The following AFF3 variants were observed in gnomAD, a reference collection of about 807,000 sequenced individuals.
The protein encoded by AFF3 is ALF transcription elongation factor 3.
A neutral mutation model predicts 129.7 loss-of-function variants in AFF3; 32 were observed. That is an observed-to-expected ratio of 0.25 (90% CI 0.19 to 0.33). The LOEUF is 0.33. Among genes scored for constraint, AFF3 ranks in the 10% least tolerant of loss-of-function variants. The pLI is 1.00. For synonymous variants in AFF3, 644 were observed against 635.4 expected (o/e 1.01, Z -0.20); for missense variants, 1,373 against 1,592.0 (o/e 0.86, Z 2.34).
chr2:100,139,222 C>G (rs948926602), intron 1 of AFF3, among the ~76,000 whole-genome samples: 2 of 152,160 alleles, frequency 1.3e-5, no homozygotes, highest in Non-Finnish European at 2.9e-5. Context: ...TTTCTCTCTT[C>G]ATTATCCATG....
intron 14 of AFF3, among the ~76,000 whole-genome samples, chr2:99,597,595 C>T (rs1419217471): frequency 2.6e-5 from 4 of 152,200 alleles, no homozygotes; most frequent in African/African-American, 9.6e-5. Context: ...TCATCATTTT[C>T]CCCCCGACAA....
At chr2:99,831,062 C>CGG (rs1558893300) in intron 8 of AFF3, among the ~76,000 whole-genome samples, 3 of 152,156 alleles carry the variant, frequency 2.0e-5, no homozygotes, top group Non-Finnish European at 1.5e-5. Context: ...AAGGGCACAT[C>CGG]TTTGGGATGT....
At chr2:100,077,426 T>C (rs1323458193) in intron 4 of AFF3, among the ~76,000 whole-genome samples, 1 of 152,002 alleles carries the variant, frequency 6.6e-6, no homozygotes, top group Non-Finnish European at 1.5e-5. Context: ...GGAGCTCCTC[T>C]AGAAGCTGGA....
intron 7 of AFF3, among the ~76,000 whole-genome samples, chr2:99,839,170 C>T (rs997863465): frequency 1.3e-5 from 2 of 152,018 alleles, no homozygotes; most frequent in African/African-American, 2.4e-5. Context: ...AGTGCAATGG[C>T]GCGACCTTGG....
intron 7 of AFF3, among the ~76,000 whole-genome samples, chr2:99,959,229 T>C (rs77144605): frequency 0.018 from 2,734 of 151,944 alleles, 89 homozygotes; most frequent in African/African-American, 0.063. Flanking sequence ...CCTAAGTAGT[T>C]TGAATCCTAA....
At chr2:100,065,140 A>C (rs1687613222) in intron 4 of AFF3, among the ~76,000 whole-genome samples, 1 of 152,268 alleles carries the variant, frequency 6.6e-6, no homozygotes. Flanking sequence ...AATGACACTA[A>C]AGTTTTGAAA....
At chr2:99,935,906 C>T (rs946944119) in intron 7 of AFF3, among the ~76,000 whole-genome samples, 5 of 152,132 alleles carry the variant, frequency 3.3e-5, no homozygotes, top group Admixed American at 1.3e-4. Flanking sequence ...AGACCGTCTA[C>T]GTGAAACAAT....
At chr2:99,736,608 A>ATTT (rs11399049) in intron 10 of AFF3, among the ~76,000 whole-genome samples, 3,090 of 125,650 alleles carry the variant, frequency 0.025, 196 homozygotes, top group African/African-American at 0.086. Flanking sequence ...TAAATTACTG[A>ATTT]TTTTTTTTTT....
At chr2:100,032,859 T>C (rs1167456816) in intron 4 of AFF3, among the ~76,000 whole-genome samples, 1 of 152,150 alleles carries the variant, frequency 6.6e-6, no homozygotes, top group African/African-American at 2.4e-5. Context: ...CTATTTACTA[T>C]AAGTAATAAG....
intron 7 of AFF3, among the ~76,000 whole-genome samples, chr2:99,999,295 C>G (rs1360093848): frequency 6.6e-6 from 1 of 152,210 alleles, no homozygotes; most frequent in Admixed American, 6.5e-5. Flanking sequence ...AAGTGTTTGG[C>G]TCCTCTCTTC....
chr2:99,594,275 G>A lies in AFF3; in HGVS notation c.1386C>T (p.Ser462=). The change falls in exon 15 of 25, where the codon TCC becomes TCT. Residue 462 remains serine (S), a synonymous_variant. Transcript: ENST00000672756. ...ATTTATCCAGCTGCCACTTGTTAGA[G>A]GATGCCGGTTCAGCCTGAAAGCAGA... is the stretch of plus-strand genomic sequence containing the variant. ...HFSSPEAEPA[S]SNKWQLDKWL... 6.2e-7 allele frequency: 1 copy of A among 1,608,432 alleles called. No homozygotes were observed. Among genetic ancestry groups the A allele is most frequent in the East Asian group, 2.2e-5 (1 of 44,772 alleles).
At chr2:100,090,255 G>A (rs1485246396) in intron 4 of AFF3, among the ~76,000 whole-genome samples, 1 of 148,300 alleles carries the variant, frequency 6.7e-6, no homozygotes, top group Non-Finnish European at 1.5e-5. Context: ...CTTTCATGAA[G>A]TGGTTTTATA....
At chr2:99,990,073 G>A (rs537525281) in intron 7 of AFF3, among the ~76,000 whole-genome samples, 65 of 152,232 alleles carry the variant, frequency 4.3e-4, no homozygotes, top group African/African-American at 1.5e-3. Flanking sequence ...ATCAGCTCAC[G>A]CAGCCACTCA....
At chr2:99,988,772 GAACACTGCCCTAGGAAAGA>G (rs67825181) in intron 7 of AFF3, among the ~76,000 whole-genome samples, 21,252 of 152,158 alleles carry the variant, frequency 0.14, 2,109 homozygotes, top group East Asian at 0.49. Flanking sequence ...GGGGGACACT[GAACACTGCCCTAGGAAAGA>G]GAGGACAAAA....
intron 11 of AFF3, among the ~76,000 whole-genome samples, chr2:99,711,699 C>T (rs1208791694): frequency 1.3e-5 from 2 of 152,192 alleles, no homozygotes; most frequent in Non-Finnish European, 2.9e-5. Context: ...TTGTAGTATC[C>T]TGCATTCCTT....
chr2:99,655,317 C>T (rs182461504), intron 12 of AFF3, among the ~76,000 whole-genome samples: 10 of 151,126 alleles, frequency 6.6e-5, no homozygotes, highest in African/African-American at 2.2e-4. Flanking sequence ...TGCTCTGAAA[C>T]CAACTAATGA....
intron 4 of AFF3, among the ~76,000 whole-genome samples, chr2:100,101,347 T>C (rs1014217204): frequency 6.6e-6 from 1 of 151,242 alleles, no homozygotes; most frequent in African/African-American, 2.4e-5. Flanking sequence ...TAAATTCCAA[T>C]TTGTTCAATT....
intron 15 of AFF3, among the ~76,000 whole-genome samples, chr2:99,589,652 G>A (rs1039011872): frequency 6.6e-6 from 1 of 152,020 alleles, no homozygotes; most frequent in African/African-American, 2.4e-5. Flanking sequence ...GCCCACCTTG[G>A]CCTCCCAAAG....
intron 7 of AFF3, among the ~76,000 whole-genome samples, chr2:99,957,140 G>C (rs941513974): frequency 6.7e-6 from 1 of 148,340 alleles, no homozygotes; most frequent in African/African-American, 2.6e-5. Context: ...GCTGTGTGTG[G>C]ACATACGTGT....
Sources: allele counts gnomAD v4.1 joint callset (sites outside exome capture counted in the v4.1 genomes callset), GRCh38; gene constraint gnomAD v4.1.1; transcripts MANE v1.5; gene names NCBI Gene and HGNC (gene_info 2026-07-23, HGNC 2026-07-21).